The following STK40 variants were observed in gnomAD, a reference collection of about 807,000 sequenced individuals.
STK40 encodes the protein serine/threonine kinase 40.
Under a neutral mutation model 47.9 loss-of-function variants are expected in STK40, and 13 were observed. That is an observed-to-expected ratio of 0.27 (90% CI 0.18 to 0.43). The LOEUF is 0.43. Ranked by LOEUF, STK40 falls within the 20% of genes least tolerant of loss-of-function variation. The probability of loss-of-function intolerance (pLI) is 1.00; values close to 1 mark genes in which losing one functional copy is unlikely to be tolerated. For synonymous variants in STK40, 225 were observed against 243.2 expected (o/e 0.93, Z 0.69); for missense variants, 460 against 595.1 (o/e 0.77, Z 2.36).
chr1:36,385,885 TC>T lies in STK40; in HGVS notation c.-172del. On this transcript the variant is annotated 5_prime_UTR_variant, in exon 1 of 11. An upstream open reading frame in the 5' UTR loses its in-frame stop. Coordinates refer to ENST00000373132, the MANE Select transcript of STK40 (RefSeq NM_001282547.2). ...AGCCGCCGCCGCCGCCGCCGCCGCC[TC>T]CCTCCATGGCTGCGGCGCCGCCACC... is the stretch of plus-strand genomic sequence containing the variant. The T allele has an allele frequency of 5.7e-6, 1 of 175,208 alleles. No individual in the cohort carries two copies. The highest frequency in any genetic ancestry group is 1.2e-5 in the Non-Finnish European group (1 of 86,874). The allele number at this position is 175,208 out of a possible 1,614,324, so 10.9% of individuals were successfully genotyped here. A position where few individuals can be genotyped will look rare whatever the true frequency, so the allele number is the denominator to read the frequency against.
chr1:36,345,553 G>A (rs1377555885), intron 7 of STK40, among the ~76,000 whole-genome samples: 1 of 152,208 alleles, frequency 6.6e-6, no homozygotes, highest in African/African-American at 2.4e-5. Flanking sequence ...CCAAAGAGCA[G>A]CTGCGGTGAC....
intron 1 of STK40, among the ~76,000 whole-genome samples, chr1:36,383,105 C>T (rs138980128): frequency 1.1e-4 from 17 of 152,296 alleles, no homozygotes; most frequent in African/African-American, 2.9e-4. Context: ...TGCACCACCA[C>T]GTCCGGCTAA....
At chr1:36,358,934 T>C (rs1570449208) in intron 2 of STK40, 112 bp from the exon 3 acceptor site, 1 of 1,200,388 alleles carries the variant, frequency 8.3e-7, no homozygotes. Flanking sequence ...CCATAGCTCA[T>C]GTGTACTGGA....
chr1:36,361,931 A>G (rs1646855970), intron 1 of STK40, among the ~76,000 whole-genome samples: 1 of 151,726 alleles, frequency 6.6e-6, no homozygotes, highest in Non-Finnish European at 1.5e-5. Flanking sequence ...TCTTTCCTTG[A>G]CTCTCTGGTC....
In STK40 at chr1:36,355,312, T is replaced by C; in HGVS notation, c.464A>G (p.Asp155Gly). The C allele has an allele frequency of 3.7e-6, 6 of 1,612,708 alleles. No homozygotes were observed. The highest frequency in any genetic ancestry group is 5.1e-6 in the Non-Finnish European group (6 of 1,178,834). ...GACGTAGTGCTGCAGGTTGATGAGGTCAGCGGTCTTATCGCTGAAGTCATG... is the reference window on the plus strand; with the variant it reads ...GACGTAGTGCTGCAGGTTGATGAGGCCAGCGGTCTTATCGCTGAAGTCATG... ...CAHDFSDKTA[D>G]LINLQHYVIK... The change falls in exon 5 of 11, where the codon GAC becomes GGC. Residue 155 changes from aspartate (D) to glycine (G), a missense_variant. Asp to Gly is a moderately conservative substitution (Grantham distance 94). This residue lies in a region of STK40 where 277 missense variants were observed against 358.7 expected (regional missense o/e 0.77). Transcript: ENST00000373132.
chr1:36,355,332 G>C lies in STK40; in HGVS notation c.444C>G (p.Asp148Glu). ...CLVLDCLCAH[D>E]FSDKTADLIN... Reference sequence around the variant, plus strand: ...TGAGGTCAGCGGTCTTATCGCTGAAGTCATGAGCACAGAGGCAGTCCAGGA... The same window carrying C: ...TGAGGTCAGCGGTCTTATCGCTGAACTCATGAGCACAGAGGCAGTCCAGGA... The change falls in exon 5 of 11, where the codon GAC becomes GAG. Residue 148 changes from aspartate (D) to glutamate (E), a missense_variant. Around this residue, in one of 3 missense-constraint regions of STK40, gnomAD observed 277 missense variants for 358.7 expected, o/e 0.77. Transcript: ENST00000373132. 6.2e-7 allele frequency: 1 copy of C among 1,614,190 alleles called. No individual in the cohort carries two copies. Among genetic ancestry groups the C allele is most frequent in the African/African-American group, 1.3e-5 (1 of 75,046 alleles).
chr1:36,351,986 C>A (rs1646763114), intron 6 of STK40, among the ~76,000 whole-genome samples: 1 of 152,218 alleles, frequency 6.6e-6, no homozygotes. Context: ...TCTTTGTGAA[C>A]AGTAAGCCTG....
At chr1:36,350,177 T>C (rs1458707004) in intron 6 of STK40, among the ~76,000 whole-genome samples, 1 of 151,962 alleles carries the variant, frequency 6.6e-6, no homozygotes, top group Non-Finnish European at 1.5e-5. Context: ...GCCATAGGAG[T>C]CTGACTGGTG....
chr1:36,380,894 C>T (rs1190537974), intron 1 of STK40, among the ~76,000 whole-genome samples: 3 of 152,164 alleles, frequency 2.0e-5, no homozygotes, highest in Non-Finnish European at 1.5e-5. Flanking sequence ...AGAGGGTGTG[C>T]CCAGGGTTTA....
Position 36,354,409 on chromosome 1 carries a change from A to G in STK40, c.578T>C (p.Ile193Thr), listed in dbSNP as rs764412794. ...RVVEALHQKNIVHRDLKLGNM... is the reference protein window; with the variant it reads ...RVVEALHQKNTVHRDLKLGNM... ...CCCCAGCTTCAGGTCTCTGTGCACG[A>G]TATTTTTCTGTAAAACAACAGGCGT... is the stretch of plus-strand genomic sequence containing the variant. Residue 193 changes from isoleucine (I) to threonine (T), a missense_variant, in exon 6 of 11, where the codon ATC becomes ACC. By Grantham distance (89) the Ile-to-Thr change is moderately conservative. Transcript: ENST00000373132. The G allele has an allele frequency of 3.1e-6, 5 of 1,614,056 alleles. No individual in the cohort carries two copies. The highest frequency in any genetic ancestry group is 2.2e-5 in the South Asian group (2 of 91,084).
chr1:36,353,637 G>A (rs1646778031), intron 6 of STK40, among the ~76,000 whole-genome samples: 1 of 152,204 alleles, frequency 6.6e-6, no homozygotes, highest in African/African-American at 2.4e-5. Flanking sequence ...CCTTGCCTAA[G>A]AGAATGCCCC....
At chr1:36,350,937 C>T (rs955857431) in intron 6 of STK40, among the ~76,000 whole-genome samples, 1 of 152,218 alleles carries the variant, frequency 6.6e-6, no homozygotes. Flanking sequence ...GCAACACTCC[C>T]CTGCCCTGCC....
intron 7 of STK40, among the ~76,000 whole-genome samples, chr1:36,347,495 C>T (rs1415462027): frequency 6.6e-6 from 1 of 152,214 alleles, no homozygotes; most frequent in African/African-American, 2.4e-5. Flanking sequence ...TGTCATCTCT[C>T]TGAGCCTCAA....
chr1:36,341,046 C>T lies in STK40; in HGVS notation c.*709G>A, dbSNP rs1210518442. 1 of 152,414 alleles carries T rather than the reference C, an allele frequency of 6.6e-6. No individual in the cohort carries two copies. Among genetic ancestry groups the T allele is most frequent in the Non-Finnish European group, 1.5e-5 (1 of 68,178 alleles). 9.4% of individuals were successfully genotyped at this position (152,414 alleles called of 1,614,324 possible). On this transcript the variant is annotated 3_prime_UTR_variant, in exon 11 of 11. Coordinates refer to ENST00000373132, the MANE Select transcript of STK40 (RefSeq NM_001282547.2). The stretch of plus-strand genomic sequence containing the variant: ...GAGGGACTGGTGGGCTGAAAGGGGA[C>T]AGGGACTGGCAGGAGGGGCTTCCCT...
intron 1 of STK40, among the ~76,000 whole-genome samples, chr1:36,384,404 T>C (rs1231021101): frequency 6.6e-6 from 1 of 152,260 alleles, no homozygotes; most frequent in Non-Finnish European, 1.5e-5. Context: ...TGTATGCTCC[T>C]TGAAATAAAA....
chr1:36,354,324 C>A, intron 6 of STK40, 40 bp downstream of exon 6: 3 of 1,611,174 alleles, frequency 1.9e-6, no homozygotes, highest in Non-Finnish European at 2.5e-6. Flanking sequence ...CCTGCCCCAG[C>A]CCCGGGGTAA....
At chr1:36,382,304 C>T (rs1006498929) in intron 1 of STK40, among the ~76,000 whole-genome samples, 5 of 152,058 alleles carry the variant, frequency 3.3e-5, no homozygotes, top group African/African-American at 1.2e-4. Context: ...CTCAGCCTCC[C>T]TAGTAGCTGG....
In STK40 at chr1:36,361,294, C is replaced by T. The variant is rs149786118; in HGVS notation, c.39G>A (p.Thr13=). The T allele has an allele frequency of 7.6e-5, 123 of 1,614,128 alleles. No homozygotes were observed. Among genetic ancestry groups the T allele is most frequent in the Middle Eastern group, 3.3e-4 (2 of 6,084 alleles). ...TTCCTAGAGCCTTGGCCCTGGCCGA[C>T]GTTTCCCCAGCTCCTCTGTCTGATG... ...RRASDRGAGE[T]SARAKALGSG... Residue 13 remains threonine (T), a synonymous_variant, in exon 2 of 11, where the codon ACG becomes ACA. Coordinates refer to ENST00000373132, the MANE Select transcript of STK40 (RefSeq NM_001282547.2).
In STK40 at chr1:36,358,308, G is replaced by A. The variant is rs1386393457; in HGVS notation, c.273C>T (p.His91=). 1.9e-6 allele frequency: 3 copies of A among 1,610,500 alleles called. No homozygotes were observed. The highest frequency in any genetic ancestry group is 2.5e-6 in the Non-Finnish European group (3 of 1,177,098). The change falls in exon 4 of 11, where the codon CAC becomes CAT. Residue 91 remains histidine (H), a synonymous_variant. Coordinates refer to ENST00000373132, the MANE Select transcript of STK40 (RefSeq NM_001282547.2). ...GGAGAGACAGCAGTGAGTACTCGGTGTGCAGCAGCATCTTGCCCTGCCGCT... is the reference window on the plus strand; with the variant it reads ...GGAGAGACAGCAGTGAGTACTCGGTATGCAGCAGCATCTTGCCCTGCCGCT... The part of the protein sequence containing the change: ...QEERQGKMLL[H]TEYSLLSLLH...
Sources: gnomAD v4.1 joint callset for allele counts (sites outside exome capture counted in the v4.1 genomes callset) on GRCh38, gnomAD v4.1.1 for gene constraint, gnomAD v4.1.1 regional missense constraint, MANE v1.5 for transcripts, NCBI Gene and HGNC (gene_info 2026-07-23, HGNC 2026-07-21) for gene names.